Variants in KIF5A observed in about 807,000 individuals in gnomAD.
The protein encoded by KIF5A is kinesin heavy chain isoform 5A.
KIF5A carries 35 observed loss-of-function variants against 141.3 expected under a neutral mutation model. The observed-to-expected ratio is 0.25, with a 90% CI of 0.19 to 0.33. The LOEUF (loss-of-function observed/expected upper bound fraction) is 0.33, where lower values mean the gene tolerates loss of function less well. KIF5A is among the 10% of genes least tolerant of loss of function. The pLI, the probability that KIF5A is intolerant of heterozygous loss-of-function variation, is 1.00. For synonymous variants in KIF5A, 448 were observed against 500.2 expected (o/e 0.90, Z 1.39); for missense variants, 861 against 1,314.3 (o/e 0.66, Z 5.33).
At chr12:57,566,110 G>A (rs1242654512) in intron 6 of KIF5A, among the ~76,000 whole-genome samples, 1 of 149,970 alleles carries the variant, frequency 6.7e-6, no homozygotes, top group Non-Finnish European at 1.5e-5. Flanking sequence ...TTGTTTGTTT[G>A]TTTTTGTTTT....
chr12:57,561,684 T>C (rs1477452096), intron 1 of KIF5A, among the ~76,000 whole-genome samples: 7 of 152,196 alleles, frequency 4.6e-5, no homozygotes, highest in Admixed American at 4.6e-4. Context: ...ATTAAAACTT[T>C]TTAAAATATA....
intron 15 of KIF5A, among the ~76,000 whole-genome samples, chr12:57,573,628 G>A (rs1750373048): frequency 6.6e-6 from 1 of 151,786 alleles, no homozygotes; most frequent in Non-Finnish European, 1.5e-5. Flanking sequence ...TCAGGAGTTC[G>A]AGACCAGCCT....
At chr12:57,570,465 T>C (rs1296686201) in intron 12 of KIF5A, among the ~76,000 whole-genome samples, 1 of 152,178 alleles carries the variant, frequency 6.6e-6, no homozygotes, top group Non-Finnish European at 1.5e-5. Flanking sequence ...GAGGCACGAT[T>C]GTGGTTCACT....
At position 57,567,113 on chromosome 12, in the gene KIF5A, T is replaced by A; in HGVS notation, c.502-13T>A. On this transcript the variant is annotated splice_polypyrimidine_tract_variant and intron_variant, in intron 6 of 28. Transcript: ENST00000455537. ...ACAAAGCTTATGGGTCACTGTCCAT[T>A]TGTCCCCCACAGGGTTGTACTGAAC... 1 of 1,575,058 alleles carries A rather than the reference T, an allele frequency of 6.3e-7. No homozygotes were observed. Among genetic ancestry groups the A allele is most frequent in the Non-Finnish European group, 8.7e-7 (1 of 1,145,498 alleles).
intron 16 of KIF5A, 86 bp from the exon 17 acceptor site, chr12:57,575,554 G>A (rs1390798256): frequency 1.8e-6 from 2 of 1,139,884 alleles, no homozygotes; most frequent in Non-Finnish European, 2.7e-6. Context: ...GGAGGGCTGG[G>A]AGGAGAGCTG....
intron 8 of KIF5A, among the ~76,000 whole-genome samples, chr12:57,568,299 A>G (rs1251698550): frequency 6.6e-6 from 1 of 152,244 alleles, no homozygotes; most frequent in Admixed American, 6.5e-5. Context: ...TGCAACCATT[A>G]CGCTATCCAA....
chr12:57,564,033 G>A, intron 3 of KIF5A, 75 bp from the exon 4 acceptor site: 1 of 1,036,346 alleles, frequency 9.6e-7, no homozygotes, highest in Non-Finnish European at 1.5e-6. Context: ...TTGCCTTGGT[G>A]TTCACCTGCA....
In KIF5A at chr12:57,563,675, G is replaced by A; in HGVS notation, c.273G>A (p.Gly91=). 1 of 1,614,048 alleles carries A rather than the reference G, an allele frequency of 6.2e-7. No individual in the cohort carries two copies. The highest frequency in any genetic ancestry group is 8.5e-7 in the Non-Finnish European group (1 of 1,179,956). ...TTGCTTATGGACAGACATCCTCAGG[G>A]AAAACACATACCATGGAGGTGAGGG... The part of the protein sequence containing the change: ...TIFAYGQTSS[G]KTHTMEGKLH... The change falls in exon 3 of 29, where the codon GGG becomes GGA. Residue 91 remains glycine (G), a synonymous_variant. Transcript: ENST00000455537.
At chr12:57,576,215 C>G in intron 18 of KIF5A, 54 bp from the exon 19 acceptor site, 1 of 1,610,014 alleles carries the variant, frequency 6.2e-7, no homozygotes, top group East Asian at 2.2e-5. Flanking sequence ...CTGGCCCTCA[C>G]AGAGCTTGTT....
chr12:57,580,806 C>T (rs568946623), intron 23 of KIF5A, 150 bp from the exon 24 acceptor site: 2 of 733,906 alleles, frequency 2.7e-6, no homozygotes, highest in Admixed American at 4.1e-5. Context: ...GGCAATGAGG[C>T]CTTTTGAGGA....
At chr12:57,582,575 C>T (rs763604086) in intron 26 of KIF5A, 27 bp from the exon 27 acceptor site, 1 of 1,600,060 alleles carries the variant, frequency 6.2e-7, no homozygotes, top group Admixed American at 1.7e-5. Flanking sequence ...TCTTCTAATC[C>T]TGTGTTCTCA....
intron 15 of KIF5A, among the ~76,000 whole-genome samples, chr12:57,573,403 C>T (rs1882315699): frequency 1.3e-5 from 2 of 151,888 alleles, no homozygotes; most frequent in South Asian, 2.1e-4. Flanking sequence ...TGGTGGCACA[C>T]ACCTATAGTA....
Position 57,572,531 on chromosome 12 carries a change from A to C in KIF5A, c.1570-49A>C. 6.2e-7 allele frequency: 1 copy of C among 1,613,274 alleles called. No homozygotes were observed. Among genetic ancestry groups the C allele is most frequent in the Admixed American group, 1.7e-5 (1 of 59,948 alleles). ...GGAGAGGCCTCTGCCTGGGCTGGGCAAGGGAGCAGGAGGATGGCAACAGGA... is the reference window on the plus strand; with the variant it reads ...GGAGAGGCCTCTGCCTGGGCTGGGCCAGGGAGCAGGAGGATGGCAACAGGA... On this transcript the variant is annotated intron_variant, in intron 14 of 28. Coordinates refer to ENST00000455537, the MANE Select transcript of KIF5A (RefSeq NM_004984.4). This position sits in a 1 kb window ranked among gnomAD's most constrained non-coding sequence, Gnocchi z 4.2.
Position 57,564,088 on chromosome 12 carries a change from CAA to C in KIF5A, c.292-18_292-17del. On this transcript the variant is annotated intron_variant, in intron 3 of 28. Coordinates refer to ENST00000455537, the MANE Select transcript of KIF5A (RefSeq NM_004984.4). ...TCTCCCTGAGCCCCAGCTTCACTCT[CAA>C]ATACCTTCACTCGCCAGGGAAAGCT... The C allele has an allele frequency of 6.3e-7, 1 of 1,588,100 alleles. No homozygotes were observed. The highest frequency in any genetic ancestry group is 8.6e-7 in the Non-Finnish European group (1 of 1,156,496).
In KIF5A at chr12:57,550,486, C is replaced by A; in HGVS notation, c.129+86C>A. ...CGCAGAGCCTTAGTCTCTGCTGGTCCCTTTGCTCCCCCTCCCCGCCGCTCA... is the reference window on the plus strand; with the variant it reads ...CGCAGAGCCTTAGTCTCTGCTGGTCACTTTGCTCCCCCTCCCCGCCGCTCA... On this transcript the variant is annotated intron_variant, in intron 1 of 28. Coordinates refer to ENST00000455537, the MANE Select transcript of KIF5A (RefSeq NM_004984.4). The surrounding 1 kb of genome is among the most constrained non-coding windows in gnomAD (Gnocchi z 4.6). 2.9e-6 allele frequency: 4 copies of A among 1,374,702 alleles called. No homozygotes were observed. Among genetic ancestry groups the A allele is most frequent in the Non-Finnish European group, 4.1e-6 (4 of 977,922 alleles). 85.2% of individuals were successfully genotyped at this position (1,374,702 alleles called of 1,614,324 possible).
intron 1 of KIF5A, among the ~76,000 whole-genome samples, chr12:57,559,395 A>G (rs927789267): frequency 2.6e-5 from 4 of 152,128 alleles, no homozygotes; most frequent in African/African-American, 4.8e-5. Context: ...TATTTTGGCC[A>G]CTTTCATAGG....
chr12:57,560,245 T>C (rs1161463075), intron 1 of KIF5A, among the ~76,000 whole-genome samples: 4 of 152,254 alleles, frequency 2.6e-5, no homozygotes, highest in African/African-American at 9.6e-5. Context: ...GTATATGCTA[T>C]AATTTAATTC....
At chr12:57,571,930 A>G (rs1882267351) in intron 13 of KIF5A, 131 bp from the exon 14 acceptor site, 3 of 760,866 alleles carry the variant, frequency 3.9e-6, no homozygotes, top group Non-Finnish European at 6.8e-6. Context: ...CCCTATTTCT[A>G]TGAAACCTAA....
chr12:57,561,701 G>A (rs949741990), intron 1 of KIF5A, among the ~76,000 whole-genome samples: 8 of 151,850 alleles, frequency 5.3e-5, no homozygotes, highest in Non-Finnish European at 1.0e-4. Context: ...TATAATGCTC[G>A]TACATAGTTT....
Sources: allele counts gnomAD v4.1 joint callset (sites outside exome capture counted in the v4.1 genomes callset), GRCh38; gene constraint gnomAD v4.1.1; non-coding constraint Gnocchi (gnomAD v3.1); transcripts MANE v1.5; gene names NCBI Gene and HGNC (gene_info 2026-07-23, HGNC 2026-07-21).